Variants in PCF11 observed in about 807,000 individuals in gnomAD.
PCF11 encodes PCF11 cleavage and polyadenylation factor subunit.
A neutral mutation model predicts 166.1 loss-of-function variants in PCF11; 19 were observed. That is an observed-to-expected ratio of 0.11 (90% CI 0.08 to 0.17). PCF11 has a LOEUF of 0.17. Ranked by LOEUF, PCF11 falls within the 10% of genes least tolerant of loss-of-function variation. PCF11 has a pLI of 1.00. For synonymous variants in PCF11, 663 were observed against 644.1 expected, an observed-to-expected ratio of 1.03 and a Z score of -0.44; for missense variants, 1,565 against 1,855.5, an observed-to-expected ratio of 0.84 and a Z score of 2.88.
intron 13 of PCF11, 143 bp from the exon 14 acceptor site, chr11:83,182,256 A>G (rs1409784961): frequency 3.4e-6 from 2 of 580,556 alleles, no homozygotes; most frequent in Non-Finnish European, 6.0e-6. Flanking sequence ...TGTATTTTGA[A>G]TCATACTGTA....
chr11:83,171,247 G>C, intron 8 of PCF11: 1 of 449,106 alleles, frequency 2.2e-6, no homozygotes, highest in Non-Finnish European at 4.4e-6. Flanking sequence ...TTTGTAATGT[G>C]GCTATAACCA....
chr11:83,167,763 G>A lies in PCF11; in HGVS notation c.2092+258G>A, dbSNP rs1167614492. 7.0e-7 allele frequency: 1 copy of A among 1,432,204 alleles called. No homozygotes were observed. The highest frequency in any genetic ancestry group is 9.2e-7 in the Non-Finnish European group (1 of 1,081,958). The allele number at this position is 1,432,204 out of a possible 1,614,324, so 88.7% of individuals were successfully genotyped here. ...TAAACATGCAAGTAGGAATAGTGGA[G>A]CACAGTTTGACAGAAAAGAACAATT... On this transcript the variant is annotated intron_variant, in intron 7 of 15. Coordinates refer to ENST00000298281, the Ensembl canonical transcript of PCF11. The surrounding 1 kb of genome is among the most constrained non-coding windows in gnomAD (Gnocchi z 4.2).
At chr11:83,181,172 G>A in exon 12 of PCF11, 2 of 1,608,862 alleles carry the variant, frequency 1.2e-6, no homozygotes, top group Non-Finnish European at 1.7e-6. Context: ...ACTCATAGAC[G>A]TTGGTACTAC....
exon 8 of PCF11, chr11:83,169,463 C>G (rs760922239): frequency 6.2e-7 from 1 of 1,613,524 alleles, no homozygotes; most frequent in African/African-American, 1.3e-5. Context: ...GATGGGCAGC[C>G]AGGTCAGCCG....
chr11:83,159,541 A>T (rs931436769), intron 1 of PCF11, among the ~76,000 whole-genome samples: 14 of 152,214 alleles, frequency 9.2e-5, no homozygotes, highest in African/African-American at 3.4e-4. Context: ...TTGTGTTTGT[A>T]TATCGCTACA....
At chr11:83,161,338 A>G in exon 2 of PCF11, 1 of 1,597,550 alleles carries the variant, frequency 6.3e-7, no homozygotes, top group South Asian at 1.1e-5. Flanking sequence ...CTCCTTCCTC[A>G]GAGAAGCTTC....
At chr11:83,163,236 C>A (rs1240122729) in intron 2 of PCF11, among the ~76,000 whole-genome samples, 1 of 152,182 alleles carries the variant, frequency 6.6e-6, no homozygotes, top group African/African-American at 2.4e-5. Context: ...TATTGCTGAG[C>A]ATTAGTTAGT....
At chr11:83,171,722 T>G in intron 8 of PCF11, 96 bp from the exon 9 acceptor site, 2 of 731,026 alleles carry the variant, frequency 2.7e-6, no homozygotes, top group South Asian at 3.1e-5. Context: ...AAGCCAGGCC[T>G]TGTGACATCT....
Position 83,157,808 on chromosome 11 carries a change from G to A in PCF11, c.192+177G>A, listed in dbSNP as rs545306367. On this transcript the variant is annotated intron_variant, in intron 1 of 15. Transcript: ENST00000298281. ...CAGGCTTCGAGCATGGGCCTCTGGG[G>A]GGGAGGGAGTGGGGAGGATAAAGGG... 1.1e-3 allele frequency: 707 copies of A among 620,532 alleles called. 13 individuals carry two copies. Among genetic ancestry groups the A allele is most frequent in the South Asian group, 9.3e-3 (478 of 51,502 alleles). 38.4% of individuals were successfully genotyped at this position (620,532 alleles called of 1,614,324 possible). A position where few individuals can be genotyped will look rare whatever the true frequency, so the allele number is the denominator to read the frequency against.
chr11:83,157,795 A>T (rs1411070124), intron 1 of PCF11, 164 bp downstream of exon 1: 9 of 643,902 alleles, frequency 1.4e-5, no homozygotes, highest in Non-Finnish European at 2.4e-5. Context: ...GGCTTCGAGC[A>T]TGGGCCTCTG....
At chr11:83,160,516 C>T (rs1171096649) in intron 1 of PCF11, among the ~76,000 whole-genome samples, 7 of 151,820 alleles carry the variant, frequency 4.6e-5, no homozygotes, top group African/African-American at 1.7e-4. Flanking sequence ...ACTGGGGCAA[C>T]ATTTCTTTAC....
chr11:83,183,560 G>A (rs1861156337), intron 15 of PCF11, among the ~76,000 whole-genome samples: 1 of 151,790 alleles, frequency 6.6e-6, no homozygotes, highest in African/African-American at 2.4e-5. Context: ...GCGCAATCTC[G>A]GCTCACTGCA....
At chr11:83,187,420 CTGTT>C (rs1340418224) in exon 16 of PCF11, 1 of 152,154 alleles carries the variant, frequency 6.6e-6, no homozygotes, top group African/African-American at 2.4e-5. Context: ...AATACTCTAA[CTGTT>C]GACCTAAGAA....
Position 83,167,536 on chromosome 11 carries a change from C to G in PCF11, c.2092+31C>G. Reference sequence around the variant, plus strand: ...CATAGATGCAATGTACGGGATAGTCCTACAGAAGAAAATAAAGGTGGATTA... The same window carrying G: ...CATAGATGCAATGTACGGGATAGTCGTACAGAAGAAAATAAAGGTGGATTA... On this transcript the variant is annotated intron_variant, in intron 7 of 15. Transcript: ENST00000298281. This position sits in a 1 kb window ranked among gnomAD's most constrained non-coding sequence, Gnocchi z 4.2. 6.2e-7 allele frequency: 1 copy of G among 1,601,780 alleles called. No homozygotes were observed.
exon 8 of PCF11, chr11:83,169,655 T>C (rs769648380): frequency 1.2e-6 from 2 of 1,614,030 alleles, no homozygotes; most frequent in Non-Finnish European, 1.7e-6. Context: ...AGGTTTGATA[T>C]TCCTCTTGGT....
chr11:83,184,447 C>T, intron 15 of PCF11: 1 of 455,070 alleles, frequency 2.2e-6, no homozygotes, highest in Non-Finnish European at 3.9e-6. Context: ...GTATAATGTC[C>T]TATAACTTAG....
rs78819954 is a variant in PCF11, at chr11:83,184,659, T to C, written c.4453-20T>C. 40 of 1,557,512 alleles carry C rather than the reference T, an allele frequency of 2.6e-5. No individual in the cohort carries two copies. Among genetic ancestry groups the C allele is most frequent in the Non-Finnish European group, 3.2e-5 (36 of 1,131,394 alleles). ...AATTTTGAACTTTCATCAGTACTCA[T>C]AGGGCCTTTCATTTTGTAGACATCT... is the stretch of plus-strand genomic sequence containing the variant. On this transcript the variant is annotated intron_variant, in intron 15 of 15. Coordinates refer to ENST00000298281, the Ensembl canonical transcript of PCF11.
exon 16 of PCF11, chr11:83,187,365 G>A (rs756892700): frequency 6.6e-6 from 1 of 152,072 alleles, no homozygotes; most frequent in Non-Finnish European, 1.5e-5. Flanking sequence ...TTCAATGGAC[G>A]AGGTAGTCAA....
chr11:83,177,901 T>C, intron 11 of PCF11, 82 bp downstream of exon 11: 2 of 514,498 alleles, frequency 3.9e-6, no homozygotes, highest in Non-Finnish European at 3.4e-6. Flanking sequence ...CTATTAGTGC[T>C]TTCCCTTTCC....
Sources: allele counts gnomAD v4.1 joint callset (sites outside exome capture counted in the v4.1 genomes callset), GRCh38; gene constraint gnomAD v4.1.1; non-coding constraint Gnocchi (gnomAD v3.1); transcripts MANE v1.5; gene names NCBI Gene and HGNC (gene_info 2026-07-23, HGNC 2026-07-21).